The following IL1RAPL1 variants were observed in gnomAD, a reference collection of about 807,000 sequenced individuals.
The protein encoded by IL1RAPL1 is interleukin-1 receptor accessory protein-like 1.
A neutral mutation model predicts 48.4 loss-of-function variants in IL1RAPL1; 3 were observed. The observed-to-expected ratio is 0.06, with a 90% CI of 0.03 to 0.16. IL1RAPL1 has a LOEUF of 0.16. Ranked by LOEUF, IL1RAPL1 falls within the 10% of genes least tolerant of loss-of-function variation. IL1RAPL1 has a pLI of 1.00. For synonymous variants in IL1RAPL1, 185 were observed against 187.7 expected (o/e 0.99, Z 0.12); for missense variants, 349 against 530.6 (o/e 0.66, Z 3.36).
intron 5 of IL1RAPL1, among the ~76,000 whole-genome samples, chrX:29,569,383 G>A (rs142126837): frequency 9.0e-6 from 1 of 111,000 alleles, no homozygotes; most frequent in East Asian, 2.8e-4. Flanking sequence ...AAGTCCACAT[G>A]GCTAGAACAT....
chrX:28,614,880 G>A (rs893528020), intron 1 of IL1RAPL1, among the ~76,000 whole-genome samples: 4 of 110,598 alleles, frequency 3.6e-5, no homozygotes, highest in African/African-American at 6.6e-5. Context: ...ATAAACTGTC[G>A]TCTGTTTTTG....
intron 1 of IL1RAPL1, among the ~76,000 whole-genome samples, chrX:28,654,247 T>C (rs765838723): frequency 9.2e-6 from 1 of 108,873 alleles, no homozygotes; most frequent in Non-Finnish European, 1.9e-5. Flanking sequence ...ACCTTAAGGG[T>C]CTTTAAAAAA....
rs745541062 is a variant in IL1RAPL1 at position 29,228,569 on chromosome X, G to C, written c.83-54369G>C. ...GCGGTTTCACCATGTTAGCCAGGCT[G>C]GTCTCAAACTCCTGACCTCCTGATC... On this transcript the variant is annotated intron_variant, in intron 2 of 10. Coordinates refer to ENST00000378993, the MANE Select transcript of IL1RAPL1 (RefSeq NM_014271.4). Among the ~76,000 whole-genome samples the C allele has an allele frequency of 1.2e-4, 13 of 110,023 alleles. No homozygotes were observed. The East Asian group carries it at 3.8e-3, about 32-fold the overall frequency.
chrX:29,203,722 A>AATATATATAT (rs56950481), intron 2 of IL1RAPL1, among the ~76,000 whole-genome samples: 115 of 78,379 alleles, frequency 1.5e-3, no homozygotes, highest in African/African-American at 4.5e-3. Context: ...TCCGTCTCAA[A>AATATATATAT]ATATATATAT....
At chrX:29,885,865 G>C (rs12850222) in intron 6 of IL1RAPL1, among the ~76,000 whole-genome samples, 14,747 of 110,763 alleles carry the variant, frequency 0.13, 879 homozygotes, top group African/African-American at 0.2. Flanking sequence ...TTATAACTAT[G>C]AAAATTCAAG....
chrX:29,152,007 T>C (rs1362602158), intron 2 of IL1RAPL1, among the ~76,000 whole-genome samples: 1 of 111,743 alleles, frequency 8.9e-6, no homozygotes, highest in African/African-American at 3.3e-5. Flanking sequence ...TACCCAAGAT[T>C]GGTTAATTTA....
chrX:29,956,110 C>G lies in IL1RAPL1; in HGVS notation c.*290C>G, dbSNP rs1380754946. On this transcript the variant is annotated 3_prime_UTR_variant, in exon 11 of 11. Transcript: ENST00000378993. ...AGAGACTGATGTGTAGATAGAAAAC[C>G]CTTTTTTTGCTTCATTAGTTTAGTT... The G allele has an allele frequency of 6.5e-6, 2 of 306,364 alleles. No homozygotes were observed. Among genetic ancestry groups the G allele is most frequent in the Non-Finnish European group, 1.1e-5 (2 of 176,456 alleles). 25.2% of individuals were successfully genotyped at this position (306,364 alleles called of 1,213,427 possible).
chrX:29,206,952 G>C (rs1930677945), intron 2 of IL1RAPL1, among the ~76,000 whole-genome samples: 1 of 111,578 alleles, frequency 9.0e-6, no homozygotes, highest in Non-Finnish European at 1.9e-5. Context: ...ATGGATCAGA[G>C]ACTATTTTAT....
intron 6 of IL1RAPL1, among the ~76,000 whole-genome samples, chrX:29,750,121 A>G (rs7892247): frequency 0.15 from 16,967 of 111,536 alleles, 1,306 homozygotes; most frequent in African/African-American, 0.29. Context: ...AGCCTCCTTT[A>G]TGTGTCACTT....
chrX:29,288,308 C>G (rs931235637), intron 3 of IL1RAPL1, among the ~76,000 whole-genome samples: 1 of 110,592 alleles, frequency 9.0e-6, no homozygotes, highest in Non-Finnish European at 1.9e-5. Context: ...CCTCCCCCAG[C>G]CCACCTGCCC....
intron 6 of IL1RAPL1, among the ~76,000 whole-genome samples, chrX:29,848,654 G>T (rs928409744): frequency 4.5e-5 from 5 of 111,448 alleles, no homozygotes; most frequent in Non-Finnish European, 9.4e-5. Context: ...TTTTCAAAGG[G>T]AAGCAATCAA....
intron 2 of IL1RAPL1, among the ~76,000 whole-genome samples, chrX:29,029,609 T>C (rs1926570910): frequency 8.9e-6 from 1 of 112,169 alleles, no homozygotes; most frequent in African/African-American, 3.2e-5. Flanking sequence ...TCTATGGTCT[T>C]GCTGATGTCC....
At chrX:29,954,302 T>C (rs1486588315) in intron 9 of IL1RAPL1, among the ~76,000 whole-genome samples, 1 of 106,587 alleles carries the variant, frequency 9.4e-6, no homozygotes, top group African/African-American at 3.4e-5. Flanking sequence ...TTGATTTTTC[T>C]CCTACTTTTT....
chrX:29,179,065 T>A (rs1193789597), intron 2 of IL1RAPL1, among the ~76,000 whole-genome samples: 3 of 111,675 alleles, frequency 2.7e-5, no homozygotes, highest in Non-Finnish European at 3.8e-5. Context: ...CTTAGGATTG[T>A]CTTGGCAATG....
chrX:28,770,406 T>G (rs1936295766), intron 1 of IL1RAPL1, among the ~76,000 whole-genome samples: 1 of 112,214 alleles, frequency 8.9e-6, no homozygotes, highest in South Asian at 3.7e-4. Context: ...TTAGTTTAAT[T>G]GAAATACTAG....
chrX:28,764,269 A>G (rs974263697), intron 1 of IL1RAPL1, among the ~76,000 whole-genome samples: 11 of 112,088 alleles, frequency 9.8e-5, no homozygotes, highest in African/African-American at 3.6e-4. Flanking sequence ...CTACTTCTAT[A>G]AATAAATGGA....
intron 5 of IL1RAPL1, among the ~76,000 whole-genome samples, chrX:29,461,745 G>C (rs1365014767): frequency 8.9e-6 from 1 of 112,133 alleles, no homozygotes; most frequent in Admixed American, 9.5e-5. Flanking sequence ...TATACTGGGT[G>C]AAAGAATCCA....
At chrX:29,889,550 G>A (rs191174007) in intron 6 of IL1RAPL1, among the ~76,000 whole-genome samples, 128 of 111,279 alleles carry the variant, frequency 1.2e-3, no homozygotes, top group Non-Finnish European at 1.9e-3. Flanking sequence ...CTGTAGCTAC[G>A]GGAATGAAAA....
At chrX:28,714,871 C>T (rs757442288) in intron 1 of IL1RAPL1, among the ~76,000 whole-genome samples, 1 of 111,632 alleles carries the variant, frequency 9.0e-6, no homozygotes, top group East Asian at 2.8e-4. Context: ...ACATACTGGC[C>T]AGTTGTAAAC....
Sources: allele counts gnomAD v4.1 joint callset (sites outside exome capture counted in the v4.1 genomes callset), GRCh38; gene constraint gnomAD v4.1.1; transcripts MANE v1.5; gene names NCBI Gene and HGNC (gene_info 2026-07-23, HGNC 2026-07-21).